Variants in SLC35D1 observed in about 807,000 individuals in gnomAD.
The protein encoded by SLC35D1 is nucleotide sugar transporter SLC35D1.
A neutral mutation model predicts 46.7 loss-of-function variants in SLC35D1; 31 were observed. The observed-to-expected ratio is 0.66, with a 90% CI of 0.50 to 0.90. The LOEUF (loss-of-function observed/expected upper bound fraction) is 0.90, where lower values mean the gene tolerates loss of function less well. SLC35D1 is among the 40% of genes least tolerant of loss of function. SLC35D1 has a pLI of 0.00. For synonymous variants in SLC35D1, 195 were observed against 164.6 expected, an observed-to-expected ratio of 1.18 and a Z score of -1.41; for missense variants, 397 against 426.2, an observed-to-expected ratio of 0.93 and a Z score of 0.60.
chr1:67,027,192 T>C (rs1667932175), intron 8 of SLC35D1, among the ~76,000 whole-genome samples: 1 of 152,230 alleles, frequency 6.6e-6, no homozygotes, highest in South Asian at 2.1e-4. Context: ...TTCATAATAT[T>C]CTCTTACTAT....
chr1:67,022,467 T>C (rs1667828352), intron 8 of SLC35D1, among the ~76,000 whole-genome samples: 1 of 152,200 alleles, frequency 6.6e-6, no homozygotes, highest in Admixed American at 6.5e-5. Context: ...GTCTGACTCC[T>C]GTTCAGCCAT....
chr1:66,993,316 T>TTTG, the SLC35D1 span, among the ~76,000 whole-genome samples: 2 of 152,166 alleles, frequency 1.3e-5, no homozygotes, highest in African/African-American at 4.8e-5. Flanking sequence ...AAGTTTGCAA[T>TTTG]TTGTTGTACC....
intron 7 of SLC35D1, among the ~76,000 whole-genome samples, chr1:67,043,117 C>T (rs897627934): frequency 1.3e-5 from 2 of 151,912 alleles, no homozygotes; most frequent in Non-Finnish European, 2.9e-5. Flanking sequence ...ATCGCTTGAA[C>T]TCAGGAGGTG....
At chr1:66,992,695 A>G in the SLC35D1 span, among the ~76,000 whole-genome samples, 31 of 152,358 alleles carry the variant, frequency 2.0e-4, no homozygotes, top group East Asian at 5.6e-3. Context: ...GTAGGATACT[A>G]TTAGCTACGC....
chr1:67,032,919 G>C (rs1219601049), intron 8 of SLC35D1, among the ~76,000 whole-genome samples: 1 of 151,796 alleles, frequency 6.6e-6, no homozygotes, highest in Non-Finnish European at 1.5e-5. Flanking sequence ...CCAGCCTCTG[G>C]TAAACCACCT....
At chr1:67,012,545 CAAAAAAAA>C (rs10674963) in intron 10 of SLC35D1, among the ~76,000 whole-genome samples, 6 of 103,208 alleles carry the variant, frequency 5.8e-5, no homozygotes, top group Non-Finnish European at 1.1e-4. Context: ...ACTCCTAAAT[CAAAAAAAA>C]AAAAAAAAAA....
chr1:67,005,062 C>T (rs994514854), intron 11 of SLC35D1, among the ~76,000 whole-genome samples: 5 of 152,190 alleles, frequency 3.3e-5, no homozygotes, highest in African/African-American at 9.7e-5. Flanking sequence ...ACAATGATTA[C>T]TTGGTCCATT....
At chr1:67,013,484 G>A (rs1667618143) in intron 10 of SLC35D1, among the ~76,000 whole-genome samples, 1 of 151,984 alleles carries the variant, frequency 6.6e-6, no homozygotes, top group African/African-American at 2.4e-5. Flanking sequence ...GAGCCCGGGA[G>A]GTCAAGGCTG....
chr1:67,042,232 C>T lies in SLC35D1; in HGVS notation c.729+4G>A. On this transcript the variant is annotated splice_donor_region_variant and intron_variant, in intron 8 of 11. Coordinates refer to ENST00000235345, the MANE Select transcript of SLC35D1 (RefSeq NM_015139.3). ...GCCATTAAACCGTAATTAGAAAGTC[C>T]TACCTTTTGTGCATCTCCTGTGAAA... The T allele has an allele frequency of 6.2e-7, 1 of 1,613,102 alleles. No individual in the cohort carries two copies. Among genetic ancestry groups the T allele is most frequent in the Non-Finnish European group, 8.5e-7 (1 of 1,179,074 alleles).
chr1:67,024,551 T>G (rs1667878341), intron 8 of SLC35D1, among the ~76,000 whole-genome samples: 1 of 152,182 alleles, frequency 6.6e-6, no homozygotes, highest in East Asian at 1.9e-4. Flanking sequence ...AACTCCAAGA[T>G]GAAAGTGTCT....
intron 4 of SLC35D1, among the ~76,000 whole-genome samples, chr1:67,051,084 A>G (rs188823577): frequency 1.3e-5 from 2 of 152,328 alleles, no homozygotes; most frequent in African/African-American, 4.8e-5. Flanking sequence ...GAAAAAAAGC[A>G]AACTCTACAC....
downstream of SLC35D1, among the ~76,000 whole-genome samples, chr1:66,995,632 G>A (rs565929758): frequency 1.1e-3 from 162 of 151,988 alleles, no homozygotes; most frequent in Non-Finnish European, 1.9e-3. Flanking sequence ...GTACTATAAC[G>A]AAAGATGCAC....
At chr1:66,985,813 A>AT in the SLC35D1 span, 3 of 738,748 alleles carry the variant, frequency 4.1e-6, no homozygotes, top group Non-Finnish European at 4.8e-6. Flanking sequence ...AGGATTATAA[A>AT]ATTTTTTTTT....
At chr1:66,983,579 A>T in the SLC35D1 span, among the ~76,000 whole-genome samples, 5 of 152,076 alleles carry the variant, frequency 3.3e-5, no homozygotes, top group African/African-American at 4.8e-5. Flanking sequence ...TTTCTCACCT[A>T]CTATAGAATT....
chr1:66,985,216 A>G, the SLC35D1 span: 3 of 970,436 alleles, frequency 3.1e-6, 1 homozygote, highest in East Asian at 3.0e-4. Flanking sequence ...CTAAAGATGT[A>G]TCTGTACCTT....
At chr1:66,986,376 T>C in the SLC35D1 span, 9 of 1,604,018 alleles carry the variant, frequency 5.6e-6, no homozygotes, top group Admixed American at 1.7e-5. Context: ...TTATAAAATA[T>C]TAATTATTCT....
chr1:67,047,632 C>T (rs1161229063), intron 6 of SLC35D1, among the ~76,000 whole-genome samples: 1 of 152,188 alleles, frequency 6.6e-6, no homozygotes, highest in East Asian at 1.9e-4. Flanking sequence ...CACCGCTCTG[C>T]ATTCAAAGCC....
the SLC35D1 span, chr1:66,986,281 A>G: frequency 6.9e-7 from 1 of 1,455,042 alleles, no homozygotes. Flanking sequence ...ATAGCCTTGT[A>G]AAAGTGCCAT....
intron 8 of SLC35D1, among the ~76,000 whole-genome samples, chr1:67,040,087 T>C (rs772295302): frequency 2.0e-5 from 3 of 151,710 alleles, no homozygotes; most frequent in Non-Finnish European, 4.4e-5. Context: ...CTCGACCTCC[T>C]GGGCTCAAGC....
Sources: gnomAD v4.1 joint callset for allele counts (sites outside exome capture counted in the v4.1 genomes callset) on GRCh38, gnomAD v4.1.1 for gene constraint, MANE v1.5 for transcripts, NCBI Gene and HGNC (gene_info 2026-07-23, HGNC 2026-07-21) for gene names.